Variants in LTK observed in about 807,000 individuals in gnomAD.
LTK encodes leukocyte receptor tyrosine kinase, also known as leukocyte tyrosine kinase receptor.
LTK carries 117 observed loss-of-function variants against 101.5 expected under a neutral mutation model. The ratio of observed to expected loss-of-function variants is 1.15; its 90% CI spans 0.99 to 1.34. LTK has a LOEUF of 1.34. Among genes scored for constraint, LTK ranks in the 40% most tolerant of loss-of-function variants. The pLI is 0.00. For synonymous variants in LTK, 563 were observed against 494.2 expected, an observed-to-expected ratio of 1.14 and a Z score of -1.85; for missense variants, 1,252 against 1,164.7, an observed-to-expected ratio of 1.07 and a Z score of -1.09.
chr15:41,513,328 C>T lies in LTK; in HGVS notation c.44-208G>A, dbSNP rs140033569. Reference sequence around the variant, plus strand: ...TGATAGGTCTGCCAGTTTCTCTCCTCGAGCGCCTTTCCCAGTGAATAACTT... The same window carrying T: ...TGATAGGTCTGCCAGTTTCTCTCCTTGAGCGCCTTTCCCAGTGAATAACTT... On this transcript the variant is annotated intron_variant, in intron 1 of 19. Transcript: ENST00000263800. Among the ~76,000 whole-genome samples the T allele has an allele frequency of 9.3e-4, 142 of 152,334 alleles. 1 individual carries two copies. Among genetic ancestry groups the T allele is most frequent in the Middle Eastern group, 3.4e-3 (1 of 294 alleles).
chr15:41,505,341 T>C, intron 14 of LTK, 36 bp from the exon 15 acceptor site: 1 of 1,612,846 alleles, frequency 6.2e-7, no homozygotes, highest in Non-Finnish European at 8.5e-7. Flanking sequence ...TCCATGTAGG[T>C]CTCAGACACA....
chr15:41,504,459 A>G (rs781149636), intron 18 of LTK, 27 bp from the exon 19 acceptor site: 6 of 1,613,858 alleles, frequency 3.7e-6, no homozygotes, highest in Non-Finnish European at 5.1e-6. Context: ...GTTCATGCCC[A>G]CCCATGGTTG....
chr15:41,509,046 G>A lies in LTK; in HGVS notation c.1081C>T (p.Leu361=), dbSNP rs371209349. Residue 361 remains leucine, a synonymous_variant, in exon 8 of 20, where the codon CTG becomes TTG. Transcript: ENST00000263800. The part of the protein sequence containing the change: ...SFIHPSSELF[L]QPLAVTENHG... ...GGGCCAATACCTGCCAGAGGCTGCAGGAAGAGCTCGCTGCTGGGGTGTATG... is the reference window on the plus strand; with the variant it reads ...GGGCCAATACCTGCCAGAGGCTGCAAGAAGAGCTCGCTGCTGGGGTGTATG... 4.7e-5 allele frequency: 75 copies of A among 1,608,742 alleles called. No homozygotes were observed. Among genetic ancestry groups the A allele is most frequent in the Non-Finnish European group, 5.8e-5 (68 of 1,177,500 alleles).
chr15:41,512,775 C>T lies in LTK; in HGVS notation c.291G>A (p.Val97=), dbSNP rs778921083. ...TCAGCTGCCCGGCGGCCCCCACGGT[C>T]ACCACCACGCTGGTCCCCGCGTACG... The part of the protein sequence containing the change: ...DGAYAGTSVV[V]TVGAAGQLRG... The change falls in exon 3 of 20, where the codon GTG becomes GTA. Residue 97 remains valine (V), a synonymous_variant. Transcript: ENST00000263800. 22 of 1,611,210 alleles carry T rather than the reference C, an allele frequency of 1.4e-5. No individual in the cohort carries two copies. The African/African-American group carries it at 2.8e-4, about 21-fold the overall frequency.
chr15:41,505,148 G>A, intron 15 of LTK, 60 bp downstream of exon 15: 1 of 1,586,478 alleles, frequency 6.3e-7, no homozygotes, highest in Non-Finnish European at 8.6e-7. Flanking sequence ...CTGTGTGGAA[G>A]GGCTGTTCCT....
chr15:41,511,680 GC>G lies in LTK; in HGVS notation c.658-103del. The G allele has an allele frequency of 4.3e-6, 6 of 1,406,814 alleles. No individual in the cohort carries two copies. Among genetic ancestry groups the G allele is most frequent in the African/African-American group, 3.1e-5 (2 of 65,392 alleles). The allele number at this position is 1,406,814 out of a possible 1,614,324, so 87.1% of individuals were successfully genotyped here. ...CCAGGGGGCCTGGATAAGGGCAGGG[GC>G]CCCCAGCCCAGCCCAGGCCAGCCCA... On this transcript the variant is annotated intron_variant, in intron 5 of 19. Transcript: ENST00000263800. The surrounding 1 kb of genome is among the most constrained non-coding windows in gnomAD (Gnocchi z 5.9).
chr15:41,512,964 G>T lies in LTK; in HGVS notation c.187+13C>A. On this transcript the variant is annotated intron_variant, in intron 2 of 19. Transcript: ENST00000263800. Reference sequence around the variant, plus strand: ...ATGGTGAGCGAAAGAGGAAGGAGGCGTCTAAAGCTCACCCGGAGAATTCAG... The same window carrying T: ...ATGGTGAGCGAAAGAGGAAGGAGGCTTCTAAAGCTCACCCGGAGAATTCAG... The T allele has an allele frequency of 6.2e-7, 1 of 1,613,560 alleles. No homozygotes were observed. Among genetic ancestry groups the T allele is most frequent in the South Asian group, 1.1e-5 (1 of 91,072 alleles).
intron 11 of LTK, 108 bp from the exon 12 acceptor site, chr15:41,506,113 C>A: frequency 1.4e-6 from 1 of 693,276 alleles, no homozygotes; most frequent in Non-Finnish European, 2.6e-6. Flanking sequence ...CCCAGCTGAC[C>A]CTATATAGAC....
intron 16 of LTK, 42 bp downstream of exon 16, chr15:41,504,930 C>G (rs535222095): frequency 6.8e-5 from 108 of 1,596,746 alleles, no homozygotes; most frequent in Non-Finnish European, 8.6e-5. Context: ...GCGGGGAAAA[C>G]CCCCTTGGAG....
At position 41,505,785 on chromosome 15, in the gene LTK, G is replaced by A. The variant is rs200871765; in HGVS notation, c.1633-8C>T. ...GCAGAGTTCTGGCAGGGTCTGGGGA[G>A]GAAAAGGGCACAGTTTCTGAGCTGC... On this transcript the variant is annotated splice_polypyrimidine_tract_variant and splice_region_variant and intron_variant, in intron 12 of 19. Transcript: ENST00000263800. 6 of 1,613,496 alleles carry A rather than the reference G, an allele frequency of 3.7e-6. No individual in the cohort carries two copies. The South Asian group carries it at 4.4e-5, about 12-fold the overall frequency.
intron 1 of LTK, 115 bp downstream of exon 1, chr15:41,513,552 T>G: frequency 7.3e-6 from 7 of 957,396 alleles, no homozygotes; most frequent in Non-Finnish European, 1.2e-5. Context: ...AATTTGGCTG[T>G]GAGAGTTCGA....
intron 3 of LTK, 50 bp from the exon 4 acceptor site, chr15:41,512,315 G>A (rs1224701068): frequency 3.8e-6 from 6 of 1,576,734 alleles, no homozygotes; most frequent in Non-Finnish European, 4.3e-6. Flanking sequence ...CAGGCCGGCC[G>A]CTCCGGGCAG....
intron 11 of LTK, 59 bp from the exon 12 acceptor site, chr15:41,506,064 G>C (rs563215264): frequency 8.8e-7 from 1 of 1,136,068 alleles, no homozygotes; most frequent in East Asian, 2.3e-5. Context: ...GTCCTAGAGA[G>C]TCTAGTACCC....
rs752969987 is a variant in LTK at position 41,504,852 on chromosome 15, C to T, written c.2041G>A (p.Asp681Asn). 5 of 1,612,808 alleles carry T rather than the reference C, an allele frequency of 3.1e-6. No homozygotes were observed. The highest frequency in any genetic ancestry group is 2.2e-5 in the East Asian group (1 of 44,874). ...CACTTGACTGGGAGCAAGGCCCGGTCCCCCCTGCGGTAATAACTGGCCCTA... is the reference window on the plus strand; with the variant it reads ...CACTTGACTGGGAGCAAGGCCCGGTTCCCCCTGCGGTAATAACTGGCCCTA... ...IYRASYYRRG[D>N]RALLPVKWMP... The change falls in exon 17 of 20, where the codon GAC (aspartate) becomes AAC (asparagine). Residue 681 changes from aspartate to asparagine, a missense_variant. Transcript: ENST00000263800.
Position 41,511,628 on chromosome 15 carries a change from G to T in LTK, c.658-50C>A. Reference sequence around the variant, plus strand: ...GGAAGCGCCCTCCAGCTGTCCAGGGGCACTGCCACTGGGAGAGGGCTCCCG... The same window carrying T: ...GGAAGCGCCCTCCAGCTGTCCAGGGTCACTGCCACTGGGAGAGGGCTCCCG... On this transcript the variant is annotated intron_variant, in intron 5 of 19. Transcript: ENST00000263800. This position sits in a 1 kb window ranked among gnomAD's most constrained non-coding sequence, Gnocchi z 5.9. The T allele has an allele frequency of 7.1e-7, 1 of 1,416,768 alleles. No homozygotes were observed. Among genetic ancestry groups the T allele is most frequent in the East Asian group, 2.9e-5 (1 of 34,754 alleles). 87.8% of individuals were successfully genotyped at this position (1,416,768 alleles called of 1,614,324 possible). A position where few individuals can be genotyped will look rare whatever the true frequency, so the allele number is the denominator to read the frequency against.
At chr15:41,508,489 G>A (rs527957677) in intron 8 of LTK, among the ~76,000 whole-genome samples, 74 of 152,036 alleles carry the variant, frequency 4.9e-4, no homozygotes, top group African/African-American at 1.7e-3. Flanking sequence ...CCCGGGAGGC[G>A]GAGGTTGCAG....
At position 41,505,067 on chromosome 15, in the gene LTK, A is replaced by T; in HGVS notation, c.1926-3T>A. The T allele has an allele frequency of 6.2e-7, 1 of 1,609,480 alleles. No individual in the cohort carries two copies. On this transcript the variant is annotated splice_polypyrimidine_tract_variant and splice_region_variant and intron_variant, in intron 15 of 19. Coordinates refer to ENST00000263800, the MANE Select transcript of LTK (RefSeq NM_002344.6). ...GGCAGTTCCGGGCGGCAATATCCCT[A>T]CAGAGTAGGCAAAAAAAATCACTGC... is the stretch of plus-strand genomic sequence containing the variant.
rs1208078609 is a variant in LTK, at chr15:41,505,499, C to A, written c.1729G>T (p.Val577Leu). ...KFRHQNIVRCVGLSLRATPRL... is the reference protein window; with the variant it reads ...KFRHQNIVRCLGLSLRATPRL... ...GGGGTGGCCCTGAGGCTGAGCCCCA[C>A]ACACCGCACAATGTTCTGATGGCGA... Residue 577 changes from valine to leucine, a missense_variant, in exon 14 of 20, where the codon GTG becomes TTG. By Grantham distance (32) the Val-to-Leu change is conservative (BLOSUM62 1). Transcript: ENST00000263800. The A allele has an allele frequency of 6.2e-7, 1 of 1,614,052 alleles. No homozygotes were observed. The highest frequency in any genetic ancestry group is 1.7e-5 in the Admixed American group (1 of 60,002).
Position 41,505,220 on chromosome 15 carries a change from T to C in LTK, c.1913A>G (p.His638Arg). ...GACTGCTCCTAACCTGTGGATGAAGTGATTTTCCTCCAGGTAGTGGCAGCC... is the reference window on the plus strand; with the variant it reads ...GACTGCTCCTAACCTGTGGATGAAGCGATTTTCCTCCAGGTAGTGGCAGCC... Reference protein sequence around the residue: ...AQGCHYLEENHFIHRDIAARN... With the variant: ...AQGCHYLEENRFIHRDIAARN... Residue 638 changes from histidine to arginine, a missense_variant, in exon 15 of 20, where the codon CAC (histidine) becomes CGC (arginine). His to Arg is a conservative substitution (Grantham distance 29). Coordinates refer to ENST00000263800, the MANE Select transcript of LTK (RefSeq NM_002344.6). 2 of 1,613,892 alleles carry C rather than the reference T, an allele frequency of 1.2e-6. No homozygotes were observed. Among genetic ancestry groups the C allele is most frequent in the Middle Eastern group, 1.7e-4 (1 of 6,058 alleles).
Sources: allele counts gnomAD v4.1 joint callset (sites outside exome capture counted in the v4.1 genomes callset), GRCh38; gene constraint gnomAD v4.1.1; non-coding constraint Gnocchi (gnomAD v3.1); transcripts MANE v1.5; gene names NCBI Gene and HGNC (gene_info 2026-07-23, HGNC 2026-07-21).